The following DISC1 variants were observed in gnomAD, a reference collection of about 807,000 sequenced individuals.
The protein encoded by DISC1 is disrupted in schizophrenia 1 protein.
A neutral mutation model predicts 84.5 loss-of-function variants in DISC1; 57 were observed. The observed-to-expected ratio is 0.67, with a 90% confidence interval of 0.55 to 0.84. DISC1 has a LOEUF of 0.84. DISC1 is among the 40% of genes least tolerant of loss of function. The pLI is 0.00. For synonymous variants in DISC1, 411 were observed against 415.2 expected (o/e 0.99, Z 0.12); for missense variants, 1,000 against 1,057.8 (o/e 0.95, Z 0.76).
At chr1:231,890,527 C>T (rs569191241) in intron 9 of DISC1, among the ~76,000 whole-genome samples, 1 of 152,138 alleles carries the variant, frequency 6.6e-6, no homozygotes, top group South Asian at 2.1e-4. Context: ...TAGTCAAATA[C>T]ATAGAAACAG....
At chr1:231,867,484 G>C (rs1354224034) in intron 9 of DISC1, among the ~76,000 whole-genome samples, 1 of 152,196 alleles carries the variant, frequency 6.6e-6, no homozygotes, top group East Asian at 1.9e-4. Context: ...GAGGTACCCA[G>C]GAGGAGCAGA....
intron 9 of DISC1, among the ~76,000 whole-genome samples, chr1:231,853,478 T>C (rs1189062921): frequency 6.6e-6 from 1 of 152,230 alleles, no homozygotes; most frequent in Non-Finnish European, 1.5e-5. Flanking sequence ...TTTGTGTATC[T>C]GAACATATCT....
chr1:231,958,022 A>G (rs1305456856), intron 9 of DISC1, among the ~76,000 whole-genome samples: 1 of 152,206 alleles, frequency 6.6e-6, no homozygotes, highest in Non-Finnish European at 1.5e-5. Context: ...TAATAATACT[A>G]GTAATAGACA....
rs139090455 is a variant in DISC1 at position 231,777,894 on chromosome 1, C to T, written c.1634+6824C>T. Among the ~76,000 whole-genome samples, 3 of 152,324 alleles carry T rather than the reference C, an allele frequency of 2.0e-5. No homozygotes were observed. In the East Asian group the frequency reaches 5.8e-4, roughly 29 times the overall value. On this transcript the variant is annotated intron_variant, in intron 6 of 12. Transcript: ENST00000439617. ...AGGCTGCTGAGGGTCCAAGTTCACA[C>T]AGCCGTAAAAGCAGTGCCCTCACGT...
intron 3 of DISC1, chr1:231,722,770 A>T (rs975240829): frequency 1.9e-5 from 28 of 1,489,182 alleles, no homozygotes; most frequent in Non-Finnish European, 2.2e-5. Flanking sequence ...ATTTCAGGAT[A>T]GCAGCTGTCT....
chr1:231,945,642 A>T (rs963500949), intron 9 of DISC1, among the ~76,000 whole-genome samples: 1 of 152,228 alleles, frequency 6.6e-6, no homozygotes, highest in Non-Finnish European at 1.5e-5. Context: ...TAGAGACAAG[A>T]AAAACCTTTC....
intron 8 of DISC1, among the ~76,000 whole-genome samples, chr1:231,813,963 CAT>C (rs1166641373): frequency 6.6e-6 from 1 of 152,130 alleles, no homozygotes; most frequent in Non-Finnish European, 1.5e-5. Flanking sequence ...GCTTAAAACA[CAT>C]GAGTGTTTTA....
At chr1:231,777,353 TAG>T (rs1161898286) in intron 6 of DISC1, among the ~76,000 whole-genome samples, 15 of 152,090 alleles carry the variant, frequency 9.9e-5, no homozygotes, top group Admixed American at 9.8e-4. Context: ...TTCCAAGTGC[TAG>T]GATTATAGGT....
At chr1:231,721,822 A>G (rs1330269031) in intron 3 of DISC1, among the ~76,000 whole-genome samples, 1 of 152,156 alleles carries the variant, frequency 6.6e-6, no homozygotes, top group African/African-American at 2.4e-5. Flanking sequence ...AAAAACAAAC[A>G]ATGAAAAAAA....
chr1:232,028,036 G>A (rs906644757), intron 12 of DISC1, among the ~76,000 whole-genome samples: 1 of 152,094 alleles, frequency 6.6e-6, no homozygotes, highest in African/African-American at 2.4e-5. Flanking sequence ...CAGATATTCT[G>A]TTCTTCATAA....
At chr1:231,667,245 G>A (rs753720423) in intron 1 of DISC1, among the ~76,000 whole-genome samples, 2 of 152,220 alleles carry the variant, frequency 1.3e-5, no homozygotes, top group Non-Finnish European at 2.9e-5. Context: ...TCCAAAGGTT[G>A]CCAAGGGAGG....
chr1:231,864,477 C>T (rs1028153729), intron 9 of DISC1, among the ~76,000 whole-genome samples: 2 of 152,122 alleles, frequency 1.3e-5, no homozygotes, highest in African/African-American at 4.8e-5. Flanking sequence ...TCCTGGCTAA[C>T]ACAGTGAAAC....
At chr1:231,852,577 G>A (rs1428904523) in intron 9 of DISC1, among the ~76,000 whole-genome samples, 2 of 152,338 alleles carry the variant, frequency 1.3e-5, no homozygotes, top group East Asian at 3.9e-4. Context: ...TGGGGCACAT[G>A]CGCACCTGGT....
intron 9 of DISC1, among the ~76,000 whole-genome samples, chr1:231,833,079 C>T (rs4495688): frequency 0.23 from 33,277 of 146,062 alleles, 4,176 homozygotes; most frequent in East Asian, 0.41. Flanking sequence ...AAGAGGAGGA[C>T]GCAAAGGAGG....
At chr1:231,689,311 G>T (rs2064697518) in intron 1 of DISC1, among the ~76,000 whole-genome samples, 1 of 151,940 alleles carries the variant, frequency 6.6e-6, no homozygotes, top group African/African-American at 2.4e-5. Flanking sequence ...CAAGTGACCT[G>T]CCCAAGCCCA....
intron 3 of DISC1, among the ~76,000 whole-genome samples, chr1:231,722,114 C>T (rs1381047183): frequency 6.9e-6 from 1 of 143,916 alleles, no homozygotes; most frequent in African/African-American, 2.6e-5. Flanking sequence ...GATCGCGCCA[C>T]TGCACTCCAG....
At chr1:231,787,134 A>G (rs112884776) in intron 6 of DISC1, among the ~76,000 whole-genome samples, 422 of 152,342 alleles carry the variant, frequency 2.8e-3, no homozygotes, top group African/African-American at 9.6e-3. Flanking sequence ...CCTAAGGGAC[A>G]GGATCTGGAG....
chr1:231,721,111 A>C (rs774036075), intron 3 of DISC1: 1 of 1,287,644 alleles, frequency 7.8e-7, no homozygotes, highest in South Asian at 1.2e-5. Flanking sequence ...TCATCTGCCA[A>C]ATGAGTACAA....
intron 10 of DISC1, among the ~76,000 whole-genome samples, chr1:231,971,596 A>C (rs919648171): frequency 3.9e-5 from 6 of 152,184 alleles, no homozygotes; most frequent in Non-Finnish European, 7.4e-5. Context: ...CTGTGAGAAC[A>C]TTAGTTACAA....
Sources: gnomAD v4.1 joint callset for allele counts (sites outside exome capture counted in the v4.1 genomes callset) on GRCh38, gnomAD v4.1.1 for gene constraint, MANE v1.5 for transcripts, NCBI Gene and HGNC (gene_info 2026-07-23, HGNC 2026-07-21) for gene names.